OSBPL10: variants seen among roughly 807,000 people sequenced by gnomAD.
OSBPL10 encodes oxysterol binding protein like 10, also known as oxysterol-binding protein-related protein 10.
A neutral mutation model predicts 81.7 loss-of-function variants in OSBPL10; 49 were observed. That is an observed-to-expected ratio of 0.60 (90% CI 0.48 to 0.76). The LOEUF is 0.76. Among genes scored for constraint, OSBPL10 ranks in the 30% least tolerant of loss-of-function variants. The pLI is 0.00. For synonymous variants in OSBPL10, 419 were observed against 383.6 expected, an observed-to-expected ratio of 1.09 and a Z score of -1.08; for missense variants, 923 against 987.8, an observed-to-expected ratio of 0.93 and a Z score of 0.88.
intron 6 of OSBPL10, 101 bp from the exon 7 acceptor site, chr3:31,702,609 C>T (rs2125593482): frequency 1.3e-6 from 2 of 1,492,496 alleles, no homozygotes; most frequent in East Asian, 4.6e-5. Flanking sequence ...GAAACCCAAT[C>T]CTGTCCCGGG....
chr3:31,806,206 C>A (rs987119020), intron 4 of OSBPL10, among the ~76,000 whole-genome samples: 18 of 152,310 alleles, frequency 1.2e-4, no homozygotes, highest in African/African-American at 4.3e-4. Flanking sequence ...AGCCTACGCC[C>A]TTGTTCCCTC....
intron 7 of OSBPL10, among the ~76,000 whole-genome samples, chr3:31,684,516 G>A (rs540943416): frequency 1.3e-5 from 2 of 152,354 alleles, no homozygotes; most frequent in Admixed American, 6.5e-5. Context: ...CAGGGGAAGG[G>A]AGGGGTCGGC....
chr3:31,964,699 T>A (rs1442215820), intron 1 of OSBPL10, among the ~76,000 whole-genome samples: 1 of 152,260 alleles, frequency 6.6e-6, no homozygotes, highest in East Asian at 1.9e-4. Flanking sequence ...TAAAATGAAA[T>A]AAACAACACC....
intron 6 of OSBPL10, among the ~76,000 whole-genome samples, chr3:31,729,464 C>G (rs1462891129): frequency 1.3e-5 from 2 of 152,186 alleles, no homozygotes; most frequent in Non-Finnish European, 2.9e-5. Flanking sequence ...CTCTGTCGCC[C>G]AGGCTGGAGT....
chr3:32,045,720 C>T (rs1432645291), intron 2 of OSBPL10, among the ~76,000 whole-genome samples: 2 of 152,188 alleles, frequency 1.3e-5, no homozygotes. Flanking sequence ...TGAAGCTAAG[C>T]TTCCTCCCTT....
intron 2 of OSBPL10, among the ~76,000 whole-genome samples, chr3:32,019,072 T>C (rs1408012057): frequency 2.0e-5 from 3 of 152,200 alleles, no homozygotes; most frequent in Non-Finnish European, 4.4e-5. Context: ...CCTAAGCTAC[T>C]CTTGATTTTG....
intron 1 of OSBPL10, among the ~76,000 whole-genome samples, chr3:31,958,231 C>A (rs1481266961): frequency 6.6e-6 from 1 of 152,158 alleles, no homozygotes; most frequent in Non-Finnish European, 1.5e-5. Context: ...TTAGCTCTGG[C>A]CTGATTTCTA....
At chr3:31,738,281 TA>T (rs1337233798) in intron 5 of OSBPL10, among the ~76,000 whole-genome samples, 2 of 151,468 alleles carry the variant, frequency 1.3e-5, no homozygotes, top group African/African-American at 4.9e-5. Context: ...GTAGACAGAA[TA>T]GTATAATGAA....
intron 7 of OSBPL10, among the ~76,000 whole-genome samples, chr3:31,696,257 T>C (rs971330123): frequency 5.3e-5 from 8 of 152,124 alleles, no homozygotes; most frequent in African/African-American, 9.7e-5. Context: ...CCTGCACTCA[T>C]CTGCTTCCTC....
chr3:31,852,460 C>T (rs1045499929), intron 3 of OSBPL10, among the ~76,000 whole-genome samples: 4 of 152,096 alleles, frequency 2.6e-5, no homozygotes, highest in Non-Finnish European at 5.9e-5. Context: ...AGGTGATGCA[C>T]GTGAAAGAAA....
chr3:32,020,379 C>A (rs138946292), intron 2 of OSBPL10, among the ~76,000 whole-genome samples: 1 of 152,170 alleles, frequency 6.6e-6, no homozygotes, highest in Non-Finnish European at 1.5e-5. Context: ...CTGGACATTT[C>A]ATGTCATACT....
chr3:31,771,437 T>G (rs1478315099), intron 4 of OSBPL10, among the ~76,000 whole-genome samples: 2 of 152,066 alleles, frequency 1.3e-5, no homozygotes, highest in Admixed American at 6.6e-5. Context: ...CCAAGAGTTT[T>G]GCCCAGGCCT....
intron 4 of OSBPL10, among the ~76,000 whole-genome samples, chr3:31,785,802 A>G (rs985643190): frequency 1.3e-5 from 2 of 152,190 alleles, no homozygotes; most frequent in African/African-American, 4.8e-5. Context: ...ATCCCAAACT[A>G]AAGTCCTAGC....
At chr3:32,072,761 G>A (rs1699840865) in intron 1 of OSBPL10, among the ~76,000 whole-genome samples, 1 of 152,130 alleles carries the variant, frequency 6.6e-6, no homozygotes, top group African/African-American at 2.4e-5. Flanking sequence ...CCTGAGTCAG[G>A]AAACTAAAAT....
chr3:31,879,492 TC>T, intron 2 of OSBPL10, 162 bp downstream of exon 2: 1 of 661,236 alleles, frequency 1.5e-6, no homozygotes. Context: ...CAGCTCCATC[TC>T]CCCACCCCAG....
chr3:31,964,922 T>G (rs901582712), intron 1 of OSBPL10, among the ~76,000 whole-genome samples: 2 of 152,060 alleles, frequency 1.3e-5, no homozygotes, highest in African/African-American at 4.8e-5. Flanking sequence ...GCTCCAAAAT[T>G]ATCAAATAAA....
At chr3:31,965,521 A>ATATTATCT (rs1698319006) in intron 1 of OSBPL10, among the ~76,000 whole-genome samples, 1 of 48,720 alleles carries the variant, frequency 2.1e-5, no homozygotes, top group African/African-American at 7.8e-5. Context: ...TAATATATAA[A>ATATTATCT]CTATTATATT....
intron 1 of OSBPL10, among the ~76,000 whole-genome samples, chr3:31,945,378 C>A (rs905961856): frequency 6.6e-6 from 1 of 152,144 alleles, no homozygotes; most frequent in African/African-American, 2.4e-5. Flanking sequence ...ACTATCTGGA[C>A]CGGAAGCCTC....
At chr3:31,801,158 A>C (rs1273694382) in intron 4 of OSBPL10, among the ~76,000 whole-genome samples, 1 of 152,186 alleles carries the variant, frequency 6.6e-6, no homozygotes, top group East Asian at 1.9e-4. Context: ...AGGTACAAGA[A>C]CCAACAACTT....
Sources: gnomAD v4.1 joint callset for allele counts (sites outside exome capture counted in the v4.1 genomes callset) on GRCh38, gnomAD v4.1.1 for gene constraint, MANE v1.5 for transcripts, NCBI Gene and HGNC (gene_info 2026-07-23, HGNC 2026-07-21) for gene names.